The following ERG variants were observed in gnomAD, a reference collection of about 807,000 sequenced individuals.
The protein encoded by ERG is ETS transcription factor ERG, also known as transcriptional regulator ERG.
In ERG, 9 loss-of-function variants were observed where a neutral mutation model predicts 55.3. That is an observed-to-expected ratio of 0.16 (90% CI 0.10 to 0.28). ERG has a LOEUF of 0.28. Among genes scored for constraint, ERG ranks in the 10% least tolerant of loss-of-function variants. The pLI is 1.00. For synonymous variants in ERG, 223 were observed against 237.3 expected (o/e 0.94, Z 0.55); for missense variants, 434 against 631.6 (o/e 0.69, Z 3.35).
chr21:38,573,259 C>G (rs923524527), intron 2 of ERG, among the ~76,000 whole-genome samples: 1 of 152,160 alleles, frequency 6.6e-6, no homozygotes, highest in African/African-American at 2.4e-5. Flanking sequence ...AATATGGCCT[C>G]GTGGGATGAG....
At chr21:38,376,403 G>T (rs1987244608), downstream of ERG, among the ~76,000 whole-genome samples, 1 of 152,352 alleles carries the variant, frequency 6.6e-6, no homozygotes, top group African/African-American at 2.4e-5. Flanking sequence ...TTCACAGGAA[G>T]AGGCGGGTCC....
chr21:38,505,206 T>C (rs185710956), intron 2 of ERG, among the ~76,000 whole-genome samples: 1 of 152,330 alleles, frequency 6.6e-6, no homozygotes, highest in East Asian at 1.9e-4. Flanking sequence ...ATCACCAGGC[T>C]ACCTGCGGAT....
At chr21:38,657,284 T>C (rs1196193317) in intron 1 of ERG, among the ~76,000 whole-genome samples, 1 of 152,216 alleles carries the variant, frequency 6.6e-6, no homozygotes, top group Non-Finnish European at 1.5e-5. Flanking sequence ...CCAAACCCCT[T>C]ACTTTCATTG....
chr21:38,532,444 T>G (rs1343714990), intron 2 of ERG, among the ~76,000 whole-genome samples: 1 of 151,988 alleles, frequency 6.6e-6, no homozygotes, highest in Non-Finnish European at 1.5e-5. Flanking sequence ...TTCACAAAAC[T>G]AAAAGAAGCC....
At chr21:38,476,957 T>G (rs972816085) in intron 1 of ERG, among the ~76,000 whole-genome samples, 1 of 151,850 alleles carries the variant, frequency 6.6e-6, no homozygotes, top group Non-Finnish European at 1.5e-5. Flanking sequence ...ATGTGTCCTA[T>G]AGGAACACAA....
chr21:38,479,189 T>C (rs1338075332), intron 1 of ERG, among the ~76,000 whole-genome samples: 6 of 152,234 alleles, frequency 3.9e-5, no homozygotes, highest in South Asian at 2.1e-4. Context: ...ACTAATTGCA[T>C]TGGCACTTTC....
At chr21:38,591,096 G>A (rs1031922865) in intron 1 of ERG, among the ~76,000 whole-genome samples, 2 of 152,208 alleles carry the variant, frequency 1.3e-5, no homozygotes, top group Non-Finnish European at 2.9e-5. Flanking sequence ...ACAAGGAGGA[G>A]CAGTCAGAGC....
intron 3 of ERG, among the ~76,000 whole-genome samples, chr21:38,404,331 A>G (rs1430496246): frequency 6.6e-6 from 1 of 152,214 alleles, no homozygotes; most frequent in East Asian, 1.9e-4. Flanking sequence ...TGGTTTTGCA[A>G]TTAACCAGCA....
intron 1 of ERG, among the ~76,000 whole-genome samples, chr21:38,476,653 C>T (rs1402447209): frequency 1.3e-5 from 2 of 152,178 alleles, no homozygotes; most frequent in Non-Finnish European, 2.9e-5. Context: ...TTAACCTTCA[C>T]CCGACAAGCT....
At chr21:38,424,092 C>T (rs1350928186) in intron 2 of ERG, among the ~76,000 whole-genome samples, 3 of 151,638 alleles carry the variant, frequency 2.0e-5, no homozygotes, top group African/African-American at 7.3e-5. Flanking sequence ...GAGAGAGAGC[C>T]TTTGGGAGGT....
chr21:38,565,653 C>T (rs1334523241), intron 2 of ERG, among the ~76,000 whole-genome samples: 6 of 152,184 alleles, frequency 3.9e-5, no homozygotes, highest in Admixed American at 1.3e-4. Context: ...CCACTCCCTT[C>T]GGGTCTCAGC....
chr21:38,589,526 C>T (rs148588864), upstream of ERG, among the ~76,000 whole-genome samples: 325 of 152,284 alleles, frequency 2.1e-3, 1 homozygote, highest in African/African-American at 7.3e-3. Flanking sequence ...CTTCTCACCA[C>T]GGATTGGTTT....
downstream of ERG, among the ~76,000 whole-genome samples, chr21:38,378,374 C>T (rs77915450): frequency 6.1e-3 from 928 of 152,342 alleles, 11 homozygotes; most frequent in African/African-American, 0.021. Context: ...CTGACCATTC[C>T]ATCTGGACCT....
intron 1 of ERG, among the ~76,000 whole-genome samples, chr21:38,646,336 A>T (rs1204897905): frequency 6.6e-6 from 1 of 151,800 alleles, no homozygotes; most frequent in East Asian, 1.9e-4. Flanking sequence ...TTCTGCACTC[A>T]TGGTAACATC....
chr21:38,625,447 C>G (rs2060318580), intron 1 of ERG, among the ~76,000 whole-genome samples: 1 of 151,962 alleles, frequency 6.6e-6, no homozygotes, highest in Admixed American at 6.6e-5. Context: ...TTTAAGAATC[C>G]TTGATCTTTA....
intron 3 of ERG, among the ~76,000 whole-genome samples, chr21:38,420,413 T>C (rs1273524120): frequency 3.9e-5 from 6 of 152,180 alleles, no homozygotes; most frequent in African/African-American, 1.2e-4. Flanking sequence ...ACTAGCTCTC[T>C]TACAAACACT....
At chr21:38,379,968 G>C, downstream of ERG, 5 of 991,554 alleles carry the variant, frequency 5.0e-6, no homozygotes, top group Non-Finnish European at 4.8e-6. Context: ...TGGGATTACA[G>C]GTGTGAGTCA....
intron 2 of ERG, among the ~76,000 whole-genome samples, chr21:38,524,668 G>A (rs2836464): frequency 0.86 from 130,535 of 152,204 alleles, 56,167 homozygotes; most frequent in African/African-American, 0.92. Flanking sequence ...AAAACTCCAA[G>A]AGACAGGAGC....
rs137859674 is a variant in ERG at position 38,570,577 on chromosome 21, G to C, written c.-41+5085C>G. On this transcript the variant is annotated intron_variant, in intron 2 of 8. Coordinates refer to the ERG transcript ENST00000398897. The stretch of plus-strand genomic sequence containing the variant: ...CTCACAATTGTTTAGTACTCAGTGG[G>C]GTCTAAATGTACTAACTCGTTTAAT... Among the ~76,000 whole-genome samples, 760 of 152,130 alleles carry C rather than the reference G, an allele frequency of 5.0e-3. 10 individuals are homozygous for C. Among genetic ancestry groups the C allele is most frequent in the African/African-American group, 0.017 (720 of 41,470 alleles).
Sources: gnomAD v4.1 joint callset for allele counts (sites outside exome capture counted in the v4.1 genomes callset) on GRCh38, gnomAD v4.1.1 for gene constraint, MANE v1.5 for transcripts, NCBI Gene and HGNC (gene_info 2026-07-23, HGNC 2026-07-21) for gene names.